The following CCDC102B variants were observed in gnomAD, a reference collection of about 807,000 sequenced individuals.
CCDC102B encodes coiled-coil domain-containing protein 102B.
Under a neutral mutation model 57.4 loss-of-function variants are expected in CCDC102B, and 75 were observed. The ratio of observed to expected loss-of-function variants is 1.31; its 90% CI spans 1.08 to 1.58. CCDC102B has a LOEUF of 1.58. CCDC102B is among the 40% of genes most tolerant of loss of function. CCDC102B has a pLI of 0.00. For missense variants in CCDC102B, 636 were observed against 582.6 expected (o/e 1.09, Z -0.94); for synonymous variants, 206 against 201.9 (o/e 1.02, Z -0.17).
At chr18:68,830,705 C>G in intron 1 of CCDC102B, among the ~76,000 whole-genome samples, 1 of 145,478 alleles carries the variant, frequency 6.9e-6, no homozygotes, top group Admixed American at 6.7e-5. Context: ...GACATAATCT[C>G]TTTAAGTCTC....
At chr18:68,829,694 AATAGACCTGTGAAG>A (rs1599529232) in intron 1 of CCDC102B, among the ~76,000 whole-genome samples, 1 of 151,988 alleles carries the variant, frequency 6.6e-6, no homozygotes, top group East Asian at 1.9e-4. Context: ...ACAAAGTGTA[AATAGACCTGTGAAG>A]ATCTTGTGAC....
At chr18:68,748,692 A>G (rs2033725667) in intron 2 of CCDC102B, among the ~76,000 whole-genome samples, 1 of 152,288 alleles carries the variant, frequency 6.6e-6, no homozygotes, top group East Asian at 1.9e-4. Context: ...AAGCTATTTA[A>G]TATGTAGTAA....
At chr18:68,801,243 T>C (rs2035840374) in intron 1 of CCDC102B, among the ~76,000 whole-genome samples, 1 of 152,106 alleles carries the variant, frequency 6.6e-6, no homozygotes, top group Admixed American at 6.6e-5. Flanking sequence ...TAGAAGACAT[T>C]TTGTATAACT....
intron 6 of CCDC102B, among the ~76,000 whole-genome samples, chr18:69,007,349 A>T (rs1048099239): frequency 5.9e-5 from 9 of 151,846 alleles, no homozygotes; most frequent in Admixed American, 3.3e-4. Flanking sequence ...TGTAAGCAGG[A>T]CTCCCCCAAA....
At chr18:69,055,225 T>A, downstream of CCDC102B, 1 of 863,698 alleles carries the variant, frequency 1.2e-6, no homozygotes, top group Non-Finnish European at 1.4e-6. Flanking sequence ...CACTGAGTCT[T>A]CACTTTTTCC....
chr18:69,051,228 A>G (rs1333626146), intron 7 of CCDC102B, among the ~76,000 whole-genome samples: 1 of 150,310 alleles, frequency 6.7e-6, no homozygotes, highest in Non-Finnish European at 1.5e-5. Flanking sequence ...AACTTATAAA[A>G]TACATTTTAT....
chr18:68,875,469 T>G (rs2039406500), intron 5 of CCDC102B, among the ~76,000 whole-genome samples: 1 of 152,146 alleles, frequency 6.6e-6, no homozygotes, highest in Admixed American at 6.5e-5. Flanking sequence ...TGGGAAAATA[T>G]CTTGGAAACA....
chr18:69,052,498 T>TAC (rs1029715677), intron 7 of CCDC102B, among the ~76,000 whole-genome samples: 8 of 151,496 alleles, frequency 5.3e-5, no homozygotes, highest in Middle Eastern at 6.4e-3. Context: ...TCGTCTGTTA[T>TAC]ACACACACAC....
intron 1 of CCDC102B, among the ~76,000 whole-genome samples, chr18:68,808,212 TA>T (rs1162860133): frequency 6.6e-6 from 1 of 152,130 alleles, no homozygotes; most frequent in Non-Finnish European, 1.5e-5. Flanking sequence ...TATATTATAT[TA>T]AGATGGAAAG....
At chr18:68,933,235 A>T (rs1359033517) in intron 6 of CCDC102B, among the ~76,000 whole-genome samples, 3 of 151,844 alleles carry the variant, frequency 2.0e-5, no homozygotes, top group Admixed American at 2.0e-4. Flanking sequence ...TCTAACAATG[A>T]CTCCAGCACA....
chr18:68,782,097 G>C (rs756576697), intron 2 of CCDC102B, among the ~76,000 whole-genome samples: 5 of 151,984 alleles, frequency 3.3e-5, no homozygotes, highest in Non-Finnish European at 5.9e-5. Flanking sequence ...TTCTTTTACT[G>C]CCCTATCAAA....
At chr18:68,869,913 A>C (rs1599604982) in intron 4 of CCDC102B, among the ~76,000 whole-genome samples, 1 of 152,128 alleles carries the variant, frequency 6.6e-6, no homozygotes, top group Non-Finnish European at 1.5e-5. Flanking sequence ...GGTGTAAGGA[A>C]AGGGTCCAGT....
chr18:69,023,818 C>T (rs2145426650), intron 7 of CCDC102B, among the ~76,000 whole-genome samples: 1 of 152,032 alleles, frequency 6.6e-6, no homozygotes, highest in African/African-American at 2.4e-5. Flanking sequence ...TGGAAATTAA[C>T]ATTTAAAGTT....
At chr18:68,719,711 C>T (rs550437307) in intron 2 of CCDC102B, among the ~76,000 whole-genome samples, 5 of 152,322 alleles carry the variant, frequency 3.3e-5, no homozygotes, top group African/African-American at 1.2e-4. Flanking sequence ...TAATGTTTTA[C>T]TAGCTATGTG....
chr18:68,926,432 A>G (rs1442199465), intron 6 of CCDC102B, among the ~76,000 whole-genome samples: 1 of 151,748 alleles, frequency 6.6e-6, no homozygotes, highest in African/African-American at 2.4e-5. Flanking sequence ...TAGAGTTGAA[A>G]TTTTCTATTA....
intron 4 of CCDC102B, among the ~76,000 whole-genome samples, chr18:68,871,081 C>G (rs2039221629): frequency 6.6e-6 from 1 of 151,898 alleles, no homozygotes; most frequent in African/African-American, 2.4e-5. Flanking sequence ...TTTCTGAGAT[C>G]AAGGATATGG....
chr18:69,056,613 C>T (rs925217011), downstream of CCDC102B, among the ~76,000 whole-genome samples: 1 of 102,920 alleles, frequency 9.7e-6, no homozygotes, highest in Non-Finnish European at 2.3e-5. Context: ...GAAATAGAGG[C>T]CTGTTAATTT....
intron 6 of CCDC102B, among the ~76,000 whole-genome samples, chr18:68,950,792 T>C (rs1317761468): frequency 6.6e-6 from 1 of 152,186 alleles, no homozygotes; most frequent in Non-Finnish European, 1.5e-5. Flanking sequence ...CAACTAATTC[T>C]AGATTTACTG....
chr18:68,969,708 T>A (rs1195198002), intron 6 of CCDC102B, among the ~76,000 whole-genome samples: 2 of 152,084 alleles, frequency 1.3e-5, no homozygotes, highest in African/African-American at 2.4e-5. Flanking sequence ...GGTTTTATTT[T>A]TTCTCCAATT....
Sources: allele counts gnomAD v4.1 joint callset (sites outside exome capture counted in the v4.1 genomes callset), GRCh38; gene constraint gnomAD v4.1.1; transcripts MANE v1.5; gene names NCBI Gene and HGNC (gene_info 2026-07-23, HGNC 2026-07-21).